FHIP1A: variants seen among roughly 807,000 people sequenced by gnomAD.
FHIP1A encodes the protein FHF complex subunit HOOK interacting protein 1A, also known as FHF complex subunit HOOK-interacting protein 1A.
A neutral mutation model predicts 88.6 loss-of-function variants in FHIP1A; 61 were observed. The observed-to-expected ratio is 0.69, with a 90% CI of 0.56 to 0.85. The LOEUF is 0.85. Among genes scored for constraint, FHIP1A ranks in the 40% least tolerant of loss-of-function variants. FHIP1A has a pLI of 0.00. For synonymous variants in FHIP1A, 478 were observed against 496.0 expected, an observed-to-expected ratio of 0.96 and a Z score of 0.48; for missense variants, 1,154 against 1,273.5, an observed-to-expected ratio of 0.91 and a Z score of 1.43.
intron 13 of FHIP1A, among the ~76,000 whole-genome samples, chr4:151,658,277 T>C (rs941151394): frequency 1.3e-5 from 2 of 152,214 alleles, no homozygotes; most frequent in African/African-American, 2.4e-5. Context: ...CAAAAACTCA[T>C]TGGCTTAACA....
chr4:151,422,807 G>A (rs894098671), intron 1 of FHIP1A, among the ~76,000 whole-genome samples: 4 of 152,300 alleles, frequency 2.6e-5, no homozygotes, highest in South Asian at 2.1e-4. Flanking sequence ...AGATACAAGC[G>A]TGGAATTGAG....
At chr4:151,610,752 A>T (rs1735291093) in intron 7 of FHIP1A, among the ~76,000 whole-genome samples, 1 of 151,970 alleles carries the variant, frequency 6.6e-6, no homozygotes, top group African/African-American at 2.4e-5. Flanking sequence ...ACTGCATGCC[A>T]CCTCCCAGAT....
intron 2 of FHIP1A, among the ~76,000 whole-genome samples, chr4:151,460,768 T>C (rs1729119763): frequency 6.6e-6 from 1 of 152,206 alleles, no homozygotes; most frequent in South Asian, 2.1e-4. Context: ...ATGATAAGTA[T>C]GGACCGAGGT....
At chr4:151,519,598 T>C (rs1419499173) in intron 3 of FHIP1A, among the ~76,000 whole-genome samples, 1 of 152,186 alleles carries the variant, frequency 6.6e-6, no homozygotes, top group Non-Finnish European at 1.5e-5. Flanking sequence ...TATATGTGAA[T>C]ATGTATATAT....
chr4:151,627,926 G>A (rs916246646), intron 7 of FHIP1A, among the ~76,000 whole-genome samples: 10 of 152,198 alleles, frequency 6.6e-5, no homozygotes, highest in Non-Finnish European at 1.2e-4. Flanking sequence ...AAAAGACACA[G>A]TGTGCATCCC....
At chr4:151,495,054 G>A (rs1037426686) in intron 3 of FHIP1A, among the ~76,000 whole-genome samples, 13 of 152,102 alleles carry the variant, frequency 8.5e-5, no homozygotes. Flanking sequence ...TGCTGAAGTT[G>A]TTTATCAGAT....
At chr4:151,633,610 C>T (rs1736236788) in intron 8 of FHIP1A, among the ~76,000 whole-genome samples, 1 of 151,828 alleles carries the variant, frequency 6.6e-6, no homozygotes, top group South Asian at 2.1e-4. Flanking sequence ...TATAACATGA[C>T]CAAGTGTGAC....
chr4:151,465,393 C>CA (rs1301916734), intron 2 of FHIP1A, among the ~76,000 whole-genome samples: 2 of 151,870 alleles, frequency 1.3e-5, no homozygotes, highest in East Asian at 3.9e-4. Context: ...GCCTACCAAC[C>CA]AAAAAAAGCC....
intron 3 of FHIP1A, among the ~76,000 whole-genome samples, chr4:151,546,177 T>G (rs1364783984): frequency 3.3e-5 from 5 of 152,180 alleles, no homozygotes; most frequent in African/African-American, 9.7e-5. Flanking sequence ...CTCCTGAAGC[T>G]GAGACACTCT....
intron 11 of FHIP1A, among the ~76,000 whole-genome samples, chr4:151,654,075 T>G (rs1737138939): frequency 6.6e-6 from 1 of 151,080 alleles, no homozygotes; most frequent in Non-Finnish European, 1.5e-5. Flanking sequence ...AAGCAGGGTT[T>G]TTTTTTTTTT....
intron 3 of FHIP1A, among the ~76,000 whole-genome samples, chr4:151,505,445 A>G (rs1158229731): frequency 2.6e-5 from 4 of 152,190 alleles, no homozygotes; most frequent in Admixed American, 2.0e-4. Flanking sequence ...ATCATTACCT[A>G]TTACAGTCTA....
At chr4:151,499,754 G>T (rs2034063) in intron 3 of FHIP1A, among the ~76,000 whole-genome samples, 1 of 152,144 alleles carries the variant, frequency 6.6e-6, no homozygotes, top group Non-Finnish European at 1.5e-5. Context: ...TTCACATGAT[G>T]GCAGGAAGGA....
chr4:151,588,853 T>A lies in FHIP1A; in HGVS notation c.905T>A (p.Leu302Ter). 6.4e-7 allele frequency: 1 copy of A among 1,551,070 alleles called. No homozygotes were observed. The highest frequency in any genetic ancestry group is 8.7e-7 in the Non-Finnish European group (1 of 1,146,466). The change falls in exon 7 of 14, where the codon TTG becomes TAG. Residue 302 changes from leucine (L) to a stop codon, truncating the protein, a stop_gained. Coordinates refer to ENST00000435205, the MANE Select transcript of FHIP1A (RefSeq NM_001109977.3). LOFTEE classifies it high-confidence loss of function. ...CNAVIQVAHP[L>*]IRNQLVNYIY... ...CCTCTCTCTCAGGTGGCTCACCCCT[T>A]GATTCGAAATCAGCTTGTCAATTAC...
chr4:151,589,206 C>T (rs530162617), intron 7 of FHIP1A, among the ~76,000 whole-genome samples: 13 of 152,250 alleles, frequency 8.5e-5, no homozygotes, highest in South Asian at 4.1e-4. Flanking sequence ...TGTTTCACTT[C>T]GTGGGCAGTG....
intron 13 of FHIP1A, among the ~76,000 whole-genome samples, chr4:151,659,267 A>G (rs1737364418): frequency 6.6e-6 from 1 of 152,136 alleles, no homozygotes; most frequent in South Asian, 2.1e-4. Context: ...AGGTTAGCCA[A>G]GTCATACTCT....
chr4:151,504,993 C>T (rs537608216), intron 3 of FHIP1A, among the ~76,000 whole-genome samples: 3 of 152,220 alleles, frequency 2.0e-5, no homozygotes, highest in African/African-American at 7.2e-5. Flanking sequence ...TTTGCTCTTG[C>T]CCATTACCCC....
At chr4:151,578,317 G>C (rs1733886400) in intron 5 of FHIP1A, among the ~76,000 whole-genome samples, 1 of 152,016 alleles carries the variant, frequency 6.6e-6, no homozygotes, top group Non-Finnish European at 1.5e-5. Flanking sequence ...TACCATTTTT[G>C]GTTAATTTTT....
chr4:151,445,942 A>G (rs942912305), intron 1 of FHIP1A, among the ~76,000 whole-genome samples: 22 of 149,042 alleles, frequency 1.5e-4, no homozygotes, highest in African/African-American at 4.9e-4. Context: ...TGTTTGTGTA[A>G]TCATATAATC....
At chr4:151,498,415 A>T (rs1730537335) in intron 3 of FHIP1A, among the ~76,000 whole-genome samples, 2 of 152,160 alleles carry the variant, frequency 1.3e-5, no homozygotes, top group African/African-American at 4.8e-5. Context: ...GGAAGAGGCG[A>T]GTTGTAAAGA....
Sources: allele counts gnomAD v4.1 joint callset (sites outside exome capture counted in the v4.1 genomes callset), GRCh38; gene constraint gnomAD v4.1.1; transcripts MANE v1.5; gene names NCBI Gene and HGNC (gene_info 2026-07-23, HGNC 2026-07-21).